PIP: variants seen among roughly 807,000 people sequenced by gnomAD.
PIP encodes the protein prolactin-inducible protein.
In PIP, 9 loss-of-function variants were observed where a neutral mutation model predicts 12.8. That is an observed-to-expected ratio of 0.70 (90% CI 0.42 to 1.23). PIP has a LOEUF of 1.23. Among genes scored for constraint, PIP ranks in the 50% most tolerant of loss-of-function variants. The pLI is 0.00. For synonymous variants in PIP, 60 were observed against 66.1 expected, an observed-to-expected ratio of 0.91 and a Z score of 0.45; for missense variants, 172 against 179.5, an observed-to-expected ratio of 0.96 and a Z score of 0.24.
chr7:143,134,183 C>CTCATAT (rs1799274379), intron 1 of PIP, among the ~76,000 whole-genome samples: 1 of 41,664 alleles, frequency 2.4e-5, no homozygotes, highest in Non-Finnish European at 4.3e-5. Context: ...AGTATTCCAT[C>CTCATAT]ATATATATAT....
intron 1 of PIP, 113 bp downstream of exon 1, chr7:143,132,324 G>A: frequency 8.0e-7 from 1 of 1,245,668 alleles, no homozygotes; most frequent in Non-Finnish European, 1.1e-6. Context: ...CAGAACTCTA[G>A]TCCCAGGAGC....
rs533541130 is a variant in PIP at position 143,135,314 on chromosome 7, G to C, written c.201+15G>C. 8.0e-7 allele frequency: 1 copy of C among 1,256,080 alleles called. No homozygotes were observed. Among genetic ancestry groups the C allele is most frequent in the East Asian group, 2.3e-5 (1 of 42,948 alleles). The allele number at this position is 1,256,080 out of a possible 1,614,324, so 77.8% of individuals were successfully genotyped here. On this transcript the variant is annotated intron_variant, in intron 2 of 3. Coordinates refer to ENST00000291009, the MANE Select transcript of PIP (RefSeq NM_002652.3). ...AATGCATGGTGGTAAGTAGAGGACT[G>C]GGGGCGTGACTTCAAAAGATAATTC...
Position 143,135,184 on chromosome 7 carries a change from CCA to C in PIP, c.96-7_96-6del. ...ATCCTGGTGTTCTGATTCTCTCTTC[CCA>C]CAATCAGTCGGAAGATCATAATAAA... On this transcript the variant is annotated splice_polypyrimidine_tract_variant and splice_region_variant and intron_variant, in intron 1 of 3. Transcript: ENST00000291009. 1 of 1,456,692 alleles carries C rather than the reference CCA, an allele frequency of 6.9e-7. No homozygotes were observed. The highest frequency in any genetic ancestry group is 9.6e-7 in the Non-Finnish European group (1 of 1,038,370). The allele number at this position is 1,456,692 out of a possible 1,614,324, so 90.2% of individuals were successfully genotyped here.
chr7:143,137,140 T>C (rs759773323), intron 2 of PIP, among the ~76,000 whole-genome samples: 1 of 152,044 alleles, frequency 6.6e-6, no homozygotes, highest in Middle Eastern at 3.2e-3. Flanking sequence ...AATATAAAGA[T>C]TGCATAATCC....
chr7:143,132,920 T>C (rs1344021847), intron 1 of PIP, among the ~76,000 whole-genome samples: 2 of 151,680 alleles, frequency 1.3e-5, no homozygotes, highest in African/African-American at 2.4e-5. Flanking sequence ...AGCAGTAGGG[T>C]TTATAATGCT....
intron 2 of PIP, among the ~76,000 whole-genome samples, chr7:143,138,772 C>A (rs1433163645): frequency 6.6e-6 from 1 of 152,162 alleles, no homozygotes; most frequent in Non-Finnish European, 1.5e-5. Flanking sequence ...CTAAGGCAAG[C>A]CTGCTCCTCA....
chr7:143,135,079 C>T (rs1446101231), intron 1 of PIP, 115 bp from the exon 2 acceptor site: 6 of 553,436 alleles, frequency 1.1e-5, no homozygotes, highest in Admixed American at 5.6e-5. Context: ...TTGATCCAAG[C>T]CCCATAATTT....
At chr7:143,133,913 C>A (rs1799270470) in intron 1 of PIP, among the ~76,000 whole-genome samples, 1 of 151,286 alleles carries the variant, frequency 6.6e-6, no homozygotes, top group Non-Finnish European at 1.5e-5. Context: ...TTGGTGCACC[C>A]ATCACCCGAG....
intron 3 of PIP, 93 bp from the exon 4 acceptor site, chr7:143,139,425 C>T (rs1799345291): frequency 6.7e-7 from 1 of 1,498,950 alleles, no homozygotes; most frequent in African/African-American, 1.4e-5. Context: ...TTTGGGGAAA[C>T]TGAACCCCAG....
intron 2 of PIP, among the ~76,000 whole-genome samples, chr7:143,137,208 G>A (rs1799318236): frequency 6.6e-6 from 1 of 151,974 alleles, no homozygotes; most frequent in Admixed American, 6.6e-5. Context: ...TGTGCTACAG[G>A]CCATTTCGTT....
chr7:143,135,212 G>T lies in PIP; in HGVS notation c.114G>T (p.Lys38Asn), dbSNP rs1255901035. 11 of 1,579,046 alleles carry T rather than the reference G, an allele frequency of 7.0e-6. No individual in the cohort carries two copies. The highest frequency in any genetic ancestry group is 1.7e-5 in the Admixed American group (1 of 59,908). ...CAATCAGTCGGAAGATCATAATAAA[G>T]AATTTTGACATTCCCAAGTCAGTAC... is the stretch of plus-strand genomic sequence containing the variant. The part of the protein sequence containing the change: ...AQDNTRKIII[K>N]NFDIPKSVRP... Residue 38 changes from lysine (K) to asparagine (N), a missense_variant, in exon 2 of 4, where the codon AAG becomes AAT. Physicochemically the swap from Lys to Asn is moderately conservative, Grantham distance 94. Coordinates refer to ENST00000291009, the MANE Select transcript of PIP (RefSeq NM_002652.3).
intron 1 of PIP, among the ~76,000 whole-genome samples, chr7:143,133,709 A>T (rs928836036): frequency 1.1e-4 from 16 of 152,096 alleles, no homozygotes; most frequent in Non-Finnish European, 2.1e-4. Context: ...AGCTAAATAA[A>T]TACAAATTCC....
In PIP at chr7:143,137,597, A is replaced by G. The variant is rs140723127; in HGVS notation, c.202-1478A>G. Among the ~76,000 whole-genome samples the G allele has an allele frequency of 9.6e-4, 146 of 152,220 alleles. 3 individuals carry two copies. The highest frequency in any genetic ancestry group is 3.4e-3 in the Middle Eastern group (1 of 294). On this transcript the variant is annotated intron_variant, in intron 2 of 3. Coordinates refer to ENST00000291009, the MANE Select transcript of PIP (RefSeq NM_002652.3). ...GATTCATGACGATATGTTGTTGCTA[A>G]TGTAACAGAAAGGTAAACAAGGCCG... is the stretch of plus-strand genomic sequence containing the variant.
intron 1 of PIP, among the ~76,000 whole-genome samples, chr7:143,134,851 A>G (rs145288525): frequency 6.6e-6 from 1 of 152,112 alleles, no homozygotes; most frequent in African/African-American, 2.4e-5. Context: ...TTGTGCTACT[A>G]TAAACATGCA....
intron 1 of PIP, 52 bp downstream of exon 1, chr7:143,132,263 C>A (rs1799250099): frequency 6.3e-7 from 1 of 1,596,998 alleles, no homozygotes; most frequent in Non-Finnish European, 8.6e-7. Context: ...GAGGGCTCCT[C>A]TCCCAGTCTG....
At chr7:143,135,408 C>T (rs1174441636) in intron 2 of PIP, 109 bp downstream of exon 2, 11 of 542,840 alleles carry the variant, frequency 2.0e-5, no homozygotes, top group Non-Finnish European at 3.7e-5. Flanking sequence ...ATGAAACATT[C>T]TCACTTATGT....
chr7:143,134,039 GCT>G (rs991575340), intron 1 of PIP, among the ~76,000 whole-genome samples: 2 of 150,916 alleles, frequency 1.3e-5, no homozygotes, highest in Non-Finnish European at 3.0e-5. Flanking sequence ...TCAAAGCTTA[GCT>G]CCCACATATC....
In PIP at chr7:143,135,764, T is replaced by C. The variant is rs1799303716; in HGVS notation, c.201+465T>C. ...GCACTGAGCGACTCTACTGTCCTCTTGCCTTCTTCTGCTCCTTTGCTCTGG... is the reference window on the plus strand; with the variant it reads ...GCACTGAGCGACTCTACTGTCCTCTCGCCTTCTTCTGCTCCTTTGCTCTGG... On this transcript the variant is annotated intron_variant, in intron 2 of 3. Coordinates refer to ENST00000291009, the MANE Select transcript of PIP (RefSeq NM_002652.3). Among the ~76,000 whole-genome samples, 4 of 152,086 alleles carry C rather than the reference T, an allele frequency of 2.6e-5. No individual in the cohort carries two copies. In the South Asian group the frequency reaches 8.3e-4, roughly 32 times the overall value.
Position 143,139,536 on chromosome 7 carries a change from C to CCGT in PIP, c.339_341dup (p.Val114dup). ...TTTTCAGGAACTGTGCAAATTGCAG[C>CCGT]CGTCGTTGATGTTATTCGGGAATTA... On this transcript the variant is annotated inframe_insertion, in exon 4 of 4. Transcript: ENST00000291009. 6.2e-7 allele frequency: 1 copy of CCGT among 1,613,276 alleles called. No individual in the cohort carries two copies. Among genetic ancestry groups the CCGT allele is most frequent in the Non-Finnish European group, 8.5e-7 (1 of 1,179,304 alleles).
Sources: allele counts gnomAD v4.1 joint callset (sites outside exome capture counted in the v4.1 genomes callset), GRCh38; gene constraint gnomAD v4.1.1; transcripts MANE v1.5; gene names NCBI Gene and HGNC (gene_info 2026-07-23, HGNC 2026-07-21).